CABLES1: variants seen among roughly 807,000 people sequenced by gnomAD.
CABLES1 encodes the protein CDK5 and ABL1 enzyme substrate 1.
A neutral mutation model predicts 57.8 loss-of-function variants in CABLES1; 36 were observed. The observed-to-expected ratio is 0.62, with a 90% confidence interval of 0.48 to 0.82. The LOEUF is 0.82. Among genes scored for constraint, CABLES1 ranks in the 40% least tolerant of loss-of-function variants. The pLI is 0.00. For missense variants in CABLES1, 767 were observed against 836.6 expected (o/e 0.92, Z 1.03); for synonymous variants, 374 against 363.0 (o/e 1.03, Z -0.35).
At chr18:23,189,863 G>A (rs2047229070) in intron 2 of CABLES1, among the ~76,000 whole-genome samples, 3 of 152,230 alleles carry the variant, frequency 2.0e-5, no homozygotes, top group African/African-American at 7.2e-5. Flanking sequence ...ATGTCTGTAG[G>A]CTCCGCCTGC....
chr18:23,160,711 C>T (rs1048443806), intron 1 of CABLES1, among the ~76,000 whole-genome samples: 1 of 152,164 alleles, frequency 6.6e-6, no homozygotes, highest in African/African-American at 2.4e-5. Flanking sequence ...AACTGGCCTA[C>T]AGACTGTGAT....
chr18:23,170,284 A>T (rs115736184), intron 1 of CABLES1, among the ~76,000 whole-genome samples: 1 of 152,178 alleles, frequency 6.6e-6, no homozygotes, highest in Non-Finnish European at 1.5e-5. Context: ...AAGGAAATAT[A>T]AACATGTAAC....
intron 1 of CABLES1, among the ~76,000 whole-genome samples, chr18:23,154,742 C>T (rs960864037): frequency 3.9e-5 from 6 of 152,300 alleles, no homozygotes; most frequent in East Asian, 1.9e-4. Flanking sequence ...TCCCTTCTAA[C>T]GGAAGCCCAT....
chr18:23,139,020 T>C (rs1334880509), intron 1 of CABLES1, among the ~76,000 whole-genome samples: 1 of 152,164 alleles, frequency 6.6e-6, no homozygotes, highest in African/African-American at 2.4e-5. Flanking sequence ...TTTCGACAAG[T>C]GTTGCCACAG....
chr18:23,227,857 A>G (rs959348277), intron 4 of CABLES1, among the ~76,000 whole-genome samples: 2 of 152,244 alleles, frequency 1.3e-5, no homozygotes, highest in Non-Finnish European at 2.9e-5. Context: ...AATCCTGTTA[A>G]TATTTAATTG....
intron 4 of CABLES1, among the ~76,000 whole-genome samples, chr18:23,219,735 T>C (rs1261323163): frequency 6.6e-6 from 1 of 152,214 alleles, no homozygotes; most frequent in Non-Finnish European, 1.5e-5. Flanking sequence ...ACAAGGACCC[T>C]GTGAGTGCAA....
At chr18:23,159,881 C>CT (rs59748694) in intron 1 of CABLES1, among the ~76,000 whole-genome samples, 18,042 of 142,396 alleles carry the variant, frequency 0.13, 1,299 homozygotes, top group Non-Finnish European at 0.17. Flanking sequence ...GATTTTCTTT[C>CT]TTTTTTTTTT....
intron 1 of CABLES1, among the ~76,000 whole-genome samples, chr18:23,182,622 C>A (rs2047175177): frequency 6.6e-6 from 1 of 152,192 alleles, no homozygotes; most frequent in East Asian, 1.9e-4. Context: ...GTGCAGACAG[C>A]GTTGAGAGCA....
intron 1 of CABLES1, among the ~76,000 whole-genome samples, chr18:23,172,332 C>A (rs904909913): frequency 7.2e-5 from 11 of 152,168 alleles, no homozygotes; most frequent in African/African-American, 2.4e-4. Context: ...ACAGTGGATT[C>A]TAATCTTTTC....
At chr18:23,178,243 T>G (rs1015128168) in intron 1 of CABLES1, among the ~76,000 whole-genome samples, 7 of 151,904 alleles carry the variant, frequency 4.6e-5, no homozygotes, top group African/African-American at 1.7e-4. Context: ...ACCCAGTACC[T>G]GCTTCTCCTG....
chr18:23,182,120 A>C (rs975132195), intron 1 of CABLES1, among the ~76,000 whole-genome samples: 18 of 152,200 alleles, frequency 1.2e-4, no homozygotes, highest in African/African-American at 3.9e-4. Context: ...TATTTACCCA[A>C]GTCGTTTTCT....
chr18:23,141,891 G>A (rs2144949033), intron 1 of CABLES1, among the ~76,000 whole-genome samples: 1 of 152,328 alleles, frequency 6.6e-6, no homozygotes, highest in East Asian at 1.9e-4. Flanking sequence ...GCGGTGAGGT[G>A]GCAGAGAGCC....
intron 7 of CABLES1, among the ~76,000 whole-genome samples, chr18:23,246,331 T>C (rs1267967194): frequency 1.3e-5 from 2 of 151,912 alleles, no homozygotes; most frequent in Non-Finnish European, 2.9e-5. Context: ...GCTGCTTGTT[T>C]AATTAGCACT....
chr18:23,182,551 A>G (rs933492280), intron 1 of CABLES1, among the ~76,000 whole-genome samples: 8 of 152,212 alleles, frequency 5.3e-5, no homozygotes, highest in African/African-American at 1.7e-4. Context: ...CGGACCAGTA[A>G]ATCAGAATCT....
chr18:23,232,994 AT>A (rs919946476), intron 4 of CABLES1, among the ~76,000 whole-genome samples: 3 of 151,992 alleles, frequency 2.0e-5, no homozygotes, highest in Admixed American at 2.0e-4. Flanking sequence ...CCCCTGCCTT[AT>A]ATTCGTTCTT....
At chr18:23,234,458 G>A (rs1036983059) in intron 4 of CABLES1, 150 bp from the exon 5 acceptor site, 20 of 629,442 alleles carry the variant, frequency 3.2e-5, no homozygotes, top group Non-Finnish European at 5.4e-5. Flanking sequence ...ACTGGCAAGC[G>A]CCCGAAGAGG....
rs1467653302 is a variant in CABLES1, at chr18:23,136,197, G to A, written c.435G>A (p.Ser145=). 1.6e-6 allele frequency: 2 copies of A among 1,246,482 alleles called. No homozygotes were observed. The highest frequency in any genetic ancestry group is 2.0e-6 in the Non-Finnish European group (2 of 998,002). 77.2% of individuals were successfully genotyped at this position (1,246,482 alleles called of 1,614,324 possible). A position where few individuals can be genotyped will look rare whatever the true frequency, so the allele number is the denominator to read the frequency against. The change falls in exon 1 of 10, where the codon TCG becomes TCA. Residue 145 remains serine (S), a synonymous_variant. Coordinates refer to ENST00000256925, the MANE Select transcript of CABLES1 (RefSeq NM_001100619.3). ...GSGPCLPQPS[S]LPPLIPGGHA... ...GCCCCTGCCTCCCACAGCCCTCGTC[G>A]CTGCCGCCCTTGATTCCTGGCGGCC... is the stretch of plus-strand genomic sequence containing the variant.
intron 1 of CABLES1, among the ~76,000 whole-genome samples, chr18:23,180,095 T>A (rs1259059137): frequency 2.0e-5 from 3 of 151,898 alleles, no homozygotes; most frequent in Admixed American, 6.6e-5. Flanking sequence ...ATTTTTTTTT[T>A]AATTTTTAGT....
At chr18:23,161,854 G>A (rs142738294) in intron 1 of CABLES1, among the ~76,000 whole-genome samples, 2,070 of 151,686 alleles carry the variant, frequency 0.014, 53 homozygotes, top group African/African-American at 0.048. Flanking sequence ...CCCGGGAGGC[G>A]GAGCTTGCAG....
Sources: gnomAD v4.1 joint callset for allele counts (sites outside exome capture counted in the v4.1 genomes callset) on GRCh38, gnomAD v4.1.1 for gene constraint, MANE v1.5 for transcripts, NCBI Gene and HGNC (gene_info 2026-07-23, HGNC 2026-07-21) for gene names.